SRGAP1: variants seen among roughly 807,000 people sequenced by gnomAD.
SRGAP1 encodes SLIT-ROBO Rho GTPase activating protein 1.
In SRGAP1, 43 loss-of-function variants were observed where a neutral mutation model predicts 121.9. The observed-to-expected ratio is 0.35, with a 90% CI of 0.28 to 0.46. The LOEUF (loss-of-function observed/expected upper bound fraction) is 0.46. Ranked by LOEUF, SRGAP1 falls within the 20% of genes least tolerant of loss-of-function variation. SRGAP1 has a pLI of 1.00. For synonymous variants in SRGAP1, 447 were observed against 485.4 expected, an observed-to-expected ratio of 0.92 and a Z score of 1.04; for missense variants, 1,102 against 1,350.9, an observed-to-expected ratio of 0.82 and a Z score of 2.89.
rs142427446 is a variant in SRGAP1 at position 63,965,682 on chromosome 12, A to T, written c.68-18265A>T. Reference sequence around the variant, plus strand: ...ATCTCTGCAAAAAATAAATAAATTTAAAAAAACACAGAAAGTAATTGTACT... The same window carrying T: ...ATCTCTGCAAAAAATAAATAAATTTTAAAAAACACAGAAAGTAATTGTACT... On this transcript the variant is annotated intron_variant, in intron 1 of 21. Transcript: ENST00000355086. 2.5e-3 allele frequency among the ~76,000 whole-genome samples: 388 copies of T among 152,316 alleles called. 4 individuals are homozygous for T. The highest frequency in any genetic ancestry group is 0.014 in the Middle Eastern group (4 of 294).
Position 63,844,998 on chromosome 12 carries a change from C to A in SRGAP1, c.67+115C>A. On this transcript the variant is annotated intron_variant, in intron 1 of 21. Transcript: ENST00000355086. The surrounding 1 kb of genome is among the most constrained non-coding windows in gnomAD (Gnocchi z 4.3). The stretch of plus-strand genomic sequence containing the variant: ...GGAGGAAGGTGGTGAGGGGACAGCT[C>A]GAGCCCTGTCTGAGCCACCTGGGCT... The A allele has an allele frequency of 9.5e-7, 1 of 1,057,414 alleles. No homozygotes were observed. Among genetic ancestry groups the A allele is most frequent in the Non-Finnish European group, 1.5e-6 (1 of 686,144 alleles). The allele number at this position is 1,057,414 out of a possible 1,614,324, so 65.5% of individuals were successfully genotyped here. A position where few individuals can be genotyped will look rare whatever the true frequency, so the allele number is the denominator to read the frequency against.
At chr12:64,080,197 C>T (rs187735750) in intron 9 of SRGAP1, 89 bp from the exon 10 acceptor site, 139 of 1,038,678 alleles carry the variant, frequency 1.3e-4, no homozygotes, top group Non-Finnish European at 1.8e-4. Flanking sequence ...GAGCCAAGAT[C>T]GCGCCACTGC....
At chr12:63,871,890 C>G in intron 1 of SRGAP1, 1 of 1,475,334 alleles carries the variant, frequency 6.8e-7, no homozygotes, top group South Asian at 1.1e-5. Context: ...AGCCTTCTTC[C>G]AGAAAATTGG....
intron 6 of SRGAP1, among the ~76,000 whole-genome samples, chr12:64,052,863 G>GT (rs1355424733): frequency 6.6e-6 from 1 of 151,938 alleles, no homozygotes; most frequent in Non-Finnish European, 1.5e-5. Context: ...AGTTTTGAGG[G>GT]TTTTTTCATG....
chr12:64,032,451 C>T, intron 4 of SRGAP1: 2 of 756,134 alleles, frequency 2.6e-6, no homozygotes, highest in Non-Finnish European at 2.3e-6. Context: ...TGAGTTTGCC[C>T]CACCATTGGA....
In SRGAP1 at chr12:64,147,715, T is replaced by C; in HGVS notation, c.*5043T>C. The stretch of plus-strand genomic sequence containing the variant: ...AAAAAAATGTTTTGTTAATCTGTTG[T>C]GACAATGCACTTTTATGTATAGTAC... On this transcript the variant is annotated 3_prime_UTR_variant, in exon 22 of 22. Coordinates refer to ENST00000355086, the MANE Select transcript of SRGAP1 (RefSeq NM_020762.4). The C allele has an allele frequency of 2.5e-6, 1 of 398,660 alleles. No individual in the cohort carries two copies. Among genetic ancestry groups the C allele is most frequent in the Non-Finnish European group, 4.4e-6 (1 of 226,086 alleles). 24.7% of individuals were successfully genotyped at this position (398,660 alleles called of 1,614,324 possible).
intron 4 of SRGAP1, among the ~76,000 whole-genome samples, chr12:64,024,306 C>T (rs2136477212): frequency 6.6e-6 from 1 of 152,194 alleles, no homozygotes; most frequent in East Asian, 1.9e-4. Context: ...TGGTGTGTGC[C>T]TATAGTCCCA....
chr12:63,984,046 A>G lies in SRGAP1; in HGVS notation c.167A>G (p.Lys56Arg). The change falls in exon 2 of 22, where the codon AAA becomes AGA. Residue 56 changes from lysine (K) to arginine (R), a missense_variant. By Grantham distance (26) the Lys-to-Arg change is conservative. This residue lies in a region of SRGAP1 where 747 missense variants were observed against 929.4 expected (regional missense o/e 0.80). Coordinates refer to ENST00000355086, the MANE Select transcript of SRGAP1 (RefSeq NM_020762.4). ...GATCTGCAAGATTTCTTCCGAAAAA[A>G]AGCTGAAATTGAGACGGAATATTCC... ...LQDLQDFFRK[K>R]AEIETEYSRN... 1 of 1,563,956 alleles carries G rather than the reference A, an allele frequency of 6.4e-7. No homozygotes were observed. The highest frequency in any genetic ancestry group is 8.7e-7 in the Non-Finnish European group (1 of 1,149,262).
intron 18 of SRGAP1, 138 bp downstream of exon 18, chr12:64,116,031 G>T: frequency 2.9e-6 from 2 of 699,832 alleles, no homozygotes; most frequent in South Asian, 1.8e-5. Context: ...AAGGTTGGAG[G>T]ATCACTTGAG....
chr12:64,012,551 C>CTTTTTTTTTTTT (rs386376760), intron 3 of SRGAP1, among the ~76,000 whole-genome samples: 5 of 77,676 alleles, frequency 6.4e-5, no homozygotes, highest in African/African-American at 1.7e-4. Flanking sequence ...AAGTTATTAT[C>CTTTTTTTTTTTT]TTTTTTTTTT....
intron 1 of SRGAP1, among the ~76,000 whole-genome samples, chr12:63,971,763 G>GTGT (rs1565976076): frequency 2.0e-4 from 29 of 148,516 alleles, no homozygotes; most frequent in African/African-American, 6.9e-4. Flanking sequence ...TGTGTGTGTG[G>GTGT]GTGTGTGTGT....
chr12:63,871,753 C>G, intron 1 of SRGAP1: 1 of 1,114,480 alleles, frequency 9.0e-7, no homozygotes, highest in Non-Finnish European at 1.4e-6. Context: ...AACTGGATCA[C>G]TTGGTCCTTT....
At chr12:63,971,768 G>A (rs2032955254) in intron 1 of SRGAP1, among the ~76,000 whole-genome samples, 1 of 151,922 alleles carries the variant, frequency 6.6e-6, no homozygotes, top group African/African-American at 2.4e-5. Context: ...GTGTGGGTGT[G>A]TGTGTGTGTG....
chr12:64,056,051 CCA>C (rs2035334253), intron 6 of SRGAP1, among the ~76,000 whole-genome samples: 1 of 142,964 alleles, frequency 7.0e-6, no homozygotes, highest in Non-Finnish European at 1.6e-5. Flanking sequence ...TCATCATCCT[CCA>C]CACACATAAC....
At chr12:63,961,882 G>A (rs1445386153) in intron 1 of SRGAP1, among the ~76,000 whole-genome samples, 1 of 152,172 alleles carries the variant, frequency 6.6e-6, no homozygotes, top group Non-Finnish European at 1.5e-5. Context: ...TCGGGGGCTG[G>A]TGGATATATT....
chr12:64,093,489 G>A (rs1407996064), intron 12 of SRGAP1, among the ~76,000 whole-genome samples: 1 of 152,122 alleles, frequency 6.6e-6, no homozygotes, highest in African/African-American at 2.4e-5. Context: ...CAGCAGAGAT[G>A]TAAACTAATG....
At chr12:64,068,575 T>G (rs1173101595) in intron 8 of SRGAP1, among the ~76,000 whole-genome samples, 3 of 151,848 alleles carry the variant, frequency 2.0e-5, no homozygotes, top group African/African-American at 7.2e-5. Context: ...GTTCAAGCGA[T>G]CCGCCTGCCT....
intron 15 of SRGAP1, among the ~76,000 whole-genome samples, chr12:64,098,868 C>T (rs1017290365): frequency 4.6e-5 from 7 of 152,166 alleles, no homozygotes; most frequent in African/African-American, 1.7e-4. Flanking sequence ...TATGCTGTTT[C>T]CTCAGCTGTC....
At chr12:64,101,261 C>A (rs1265293384) in intron 15 of SRGAP1, among the ~76,000 whole-genome samples, 1 of 151,582 alleles carries the variant, frequency 6.6e-6, no homozygotes, top group Non-Finnish European at 1.5e-5. Context: ...GGCACTGTAG[C>A]ACCCACTACT....
Sources: allele counts gnomAD v4.1 joint callset (sites outside exome capture counted in the v4.1 genomes callset), GRCh38; gene constraint gnomAD v4.1.1; regional missense constraint gnomAD v4.1.1; non-coding constraint Gnocchi (gnomAD v3.1); transcripts MANE v1.5; gene names NCBI Gene and HGNC (gene_info 2026-07-23, HGNC 2026-07-21).